Variants in EXT2 observed in about 807,000 individuals in gnomAD.
EXT2 encodes the protein exostosin-2.
Under a neutral mutation model 81.6 loss-of-function variants are expected in EXT2, and 53 were observed. The ratio of observed to expected loss-of-function variants is 0.65; its 90% CI spans 0.52 to 0.82. EXT2 has a LOEUF of 0.82. Ranked by LOEUF, EXT2 falls within the 40% of genes least tolerant of loss-of-function variation. The pLI is 0.00. For missense variants in EXT2, 774 were observed against 910.2 expected (o/e 0.85, Z 1.93); for synonymous variants, 320 against 340.0 (o/e 0.94, Z 0.65).
rs979378265 is a variant in EXT2 at position 44,246,485 on chromosome 11, G to A, written c.*2198G>A. Among the ~76,000 whole-genome samples the A allele has an allele frequency of 3.3e-5, 5 of 152,050 alleles. No homozygotes were observed. The highest frequency in any genetic ancestry group is 6.5e-5 in the Admixed American group (1 of 15,268). On this transcript the variant is annotated 3_prime_UTR_variant, in exon 14 of 14. Transcript: ENST00000533608. The stretch of plus-strand genomic sequence containing the variant: ...TAGAGAGCTGTGTGACTTTATCATC[G>A]TCATAGGAGTCATTGGACTTTAAAG...
At chr11:44,152,619 G>A (rs927232223) in intron 7 of EXT2, among the ~76,000 whole-genome samples, 2 of 152,158 alleles carry the variant, frequency 1.3e-5, no homozygotes, top group Non-Finnish European at 2.9e-5. Context: ...CCAAAGTGCT[G>A]AGATTACGGG....
At chr11:44,161,375 C>A (rs188808815) in intron 7 of EXT2, among the ~76,000 whole-genome samples, 9 of 152,212 alleles carry the variant, frequency 5.9e-5, no homozygotes, top group Non-Finnish European at 1.0e-4. Flanking sequence ...GCACCTCTAG[C>A]CACAGCTGCT....
At chr11:44,107,657 T>C in intron 1 of EXT2, 26 bp from the exon 2 acceptor site, 1 of 1,590,238 alleles carries the variant, frequency 6.3e-7, no homozygotes, top group Non-Finnish European at 8.6e-7. Flanking sequence ...TACTTGGTTT[T>C]TCTTATTTCT....
At chr11:44,117,106 A>C (rs543738552) in intron 4 of EXT2, among the ~76,000 whole-genome samples, 1 of 151,842 alleles carries the variant, frequency 6.6e-6, no homozygotes, top group African/African-American at 2.4e-5. Flanking sequence ...AGTAGCTGGG[A>C]TTACAGGCGT....
chr11:44,241,636 T>C (rs897158691), intron 13 of EXT2, among the ~76,000 whole-genome samples: 1 of 152,164 alleles, frequency 6.6e-6, no homozygotes, highest in African/African-American at 2.4e-5. Context: ...GAAAGGAAAA[T>C]AGAAAACCAT....
intron 10 of EXT2, among the ~76,000 whole-genome samples, chr11:44,207,615 C>T (rs1168714339): frequency 2.0e-5 from 3 of 152,022 alleles, no homozygotes; most frequent in Admixed American, 6.6e-5. Flanking sequence ...CCTGCGGCTG[C>T]GGGTAAAAGT....
At position 44,235,193 on chromosome 11, in the gene EXT2, T is replaced by G. The variant is rs1955946738; in HGVS notation, c.1935+950T>G. ...TAAATAACATAAATTGTGAGAGTTG[T>G]TTTAAAGGGACCCTTCCCATCCCCA... On this transcript the variant is annotated intron_variant, in intron 12 of 13. Transcript: ENST00000533608. Among the ~76,000 whole-genome samples the G allele has an allele frequency of 3.3e-5, 5 of 151,606 alleles. No individual in the cohort carries two copies. In the South Asian group the frequency reaches 1.0e-3, roughly 32 times the overall value.
intron 7 of EXT2, among the ~76,000 whole-genome samples, chr11:44,151,495 G>A (rs963846299): frequency 4.6e-5 from 7 of 151,816 alleles, no homozygotes; most frequent in African/African-American, 1.7e-4. Context: ...CCTTCAGTTT[G>A]GCTTCTTTTA....
rs1389539812 is a variant in EXT2, at chr11:44,244,184, G to A, written c.2054G>A (p.Gly685Glu). The stretch of plus-strand genomic sequence containing the variant: ...ATCAACAAGTTTGCTTCAGTCTTCG[G>A]GACCATGCCTCTCAAGGTGGTGGAA... ...ECINKFASVF[G>E]TMPLKVVEHR... is the part of the protein sequence containing the mutation. The change falls in exon 14 of 14, where the codon GGG (glycine) becomes GAG (glutamate). Residue 685 changes from glycine to glutamate, a missense_variant. Physicochemically the swap from Gly to Glu is moderately conservative, Grantham distance 98. Transcript: ENST00000533608. 1.2e-6 allele frequency: 2 copies of A among 1,614,032 alleles called. No individual in the cohort carries two copies. Among genetic ancestry groups the A allele is most frequent in the African/African-American group, 1.3e-5 (1 of 75,000 alleles).
At chr11:44,131,793 A>C (rs956627926) in intron 7 of EXT2, among the ~76,000 whole-genome samples, 1 of 152,156 alleles carries the variant, frequency 6.6e-6, no homozygotes, top group African/African-American at 2.4e-5. Context: ...GCTGGAGTGC[A>C]GTGGCATGAT....
intron 8 of EXT2, among the ~76,000 whole-genome samples, chr11:44,192,006 C>T (rs193084167): frequency 3.9e-5 from 6 of 152,252 alleles, no homozygotes; most frequent in Non-Finnish European, 7.4e-5. Flanking sequence ...TCAAAAGAAA[C>T]GAAAAAGCTA....
chr11:44,102,192 C>T (rs1191286853), intron 1 of EXT2, among the ~76,000 whole-genome samples: 1 of 152,134 alleles, frequency 6.6e-6, no homozygotes, highest in Non-Finnish European at 1.5e-5. Context: ...AATAGCTGTA[C>T]AGCAAAGAAA....
chr11:44,156,208 C>T (rs1159811577), intron 7 of EXT2, among the ~76,000 whole-genome samples: 1 of 152,052 alleles, frequency 6.6e-6, no homozygotes. Context: ...AGATAGTCTT[C>T]TTTGGGGTTC....
intron 1 of EXT2, among the ~76,000 whole-genome samples, chr11:44,097,867 A>G (rs897275354): frequency 6.6e-6 from 1 of 152,246 alleles, no homozygotes; most frequent in Non-Finnish European, 1.5e-5. Context: ...TGGATTGGCT[A>G]TAACCTGAAG....
chr11:44,234,307 G>A, intron 12 of EXT2, 64 bp downstream of exon 12: 9 of 1,512,928 alleles, frequency 5.9e-6, no homozygotes, highest in Non-Finnish European at 8.2e-6. Context: ...CTGAGCCTAG[G>A]AAGTTCTTGT....
In EXT2 at chr11:44,246,606, G is replaced by A. The variant is rs1273920591; in HGVS notation, c.*2319G>A. 6.6e-6 allele frequency among the ~76,000 whole-genome samples: 1 copy of A among 152,188 alleles called. No individual in the cohort carries two copies. The highest frequency in any genetic ancestry group is 1.5e-5 in the Non-Finnish European group (1 of 68,026). On this transcript the variant is annotated 3_prime_UTR_variant, in exon 14 of 14. Coordinates refer to ENST00000533608, the MANE Select transcript of EXT2 (RefSeq NM_207122.2). The stretch of plus-strand genomic sequence containing the variant: ...TAAAACAATTTATGTTAAAGAAGGA[G>A]CATTATATCCTAGGCACTTGAAACA...
Position 44,108,095 on chromosome 11 carries a change from G to A in EXT2, c.383G>A (p.Arg128Gln), listed in dbSNP as rs771039412. 4.3e-5 allele frequency: 70 copies of A among 1,614,156 alleles called. No homozygotes were observed. The highest frequency in any genetic ancestry group is 3.3e-4 in the Middle Eastern group (2 of 6,062). ...FGVSVSNTIS[R>Q]EYNELLMAIS... ...GTCTCTGTCAGCAACACCATCTCCC[G>A]GGAGTATAATGAACTGCTCATGGCC... Residue 128 changes from arginine (R) to glutamine (Q), a missense_variant, in exon 2 of 14, where the codon CGG becomes CAG. Around this residue, in one of 2 missense-constraint regions of EXT2, gnomAD observed 626 missense variants for 670.5 expected, o/e 0.93. Coordinates refer to ENST00000533608, the MANE Select transcript of EXT2 (RefSeq NM_207122.2).
intron 10 of EXT2, among the ~76,000 whole-genome samples, chr11:44,216,737 A>C (rs1955724587): frequency 6.6e-6 from 1 of 152,042 alleles, no homozygotes; most frequent in South Asian, 2.1e-4. Flanking sequence ...TAAAGCAGTG[A>C]TTAAAGGCCA....
intron 1 of EXT2, among the ~76,000 whole-genome samples, chr11:44,100,869 C>T (rs1394515176): frequency 6.6e-6 from 1 of 152,048 alleles, no homozygotes; most frequent in Non-Finnish European, 1.5e-5. Flanking sequence ...TTCCTCAGAT[C>T]CCTTGGGCCA....
Sources: gnomAD v4.1 joint callset for allele counts (sites outside exome capture counted in the v4.1 genomes callset) on GRCh38, gnomAD v4.1.1 for gene constraint, gnomAD v4.1.1 regional missense constraint, MANE v1.5 for transcripts, NCBI Gene and HGNC (gene_info 2026-07-23, HGNC 2026-07-21) for gene names.